ABI3BP: variants seen among roughly 807,000 people sequenced by gnomAD.
ABI3BP encodes target of Nesh-SH3.
In ABI3BP, 216 loss-of-function variants were observed where a neutral mutation model predicts 268.6. The ratio of observed to expected loss-of-function variants is 0.80; its 90% CI spans 0.72 to 0.90. The LOEUF is 0.90. ABI3BP is among the 40% of genes least tolerant of loss of function. The probability of loss-of-function intolerance (pLI) is 0.00; values close to 1 mark genes in which losing one functional copy is unlikely to be tolerated. For missense variants in ABI3BP, 2,090 were observed against 2,182.4 expected, an observed-to-expected ratio of 0.96 and a Z score of 0.84; for synonymous variants, 730 against 730.0, an observed-to-expected ratio of 1.00 and a Z score of 0.00.
intron 9 of ABI3BP, among the ~76,000 whole-genome samples, chr3:100,871,164 G>A (rs1406211488): frequency 6.6e-6 from 1 of 151,624 alleles, no homozygotes; most frequent in Non-Finnish European, 1.5e-5. Flanking sequence ...TAAGATTTTT[G>A]GTACTCTTAC....
chr3:100,914,522 T>C (rs2153576767), intron 2 of ABI3BP: 1 of 437,882 alleles, frequency 2.3e-6, no homozygotes, highest in East Asian at 7.0e-5. Context: ...AGGCCTGTTC[T>C]GAAGGGAGCT....
intron 14 of ABI3BP, among the ~76,000 whole-genome samples, 196 bp downstream of exon 14, chr3:100,862,115 G>T (rs189446409): frequency 6.6e-6 from 1 of 152,172 alleles, no homozygotes; most frequent in East Asian, 1.9e-4. Context: ...AATTAGAACA[G>T]GTGTCTTTAA....
chr3:100,847,521 A>G lies in ABI3BP; in HGVS notation c.1648+81T>C, dbSNP rs866383492. 2.5e-6 allele frequency: 3 copies of G among 1,189,398 alleles called. No homozygotes were observed. The African/African-American group carries it at 4.5e-5, about 18-fold the overall frequency. The allele number at this position is 1,189,398 out of a possible 1,614,324, so 73.7% of individuals were successfully genotyped here. A position where few individuals can be genotyped will look rare whatever the true frequency, so the allele number is the denominator to read the frequency against. On this transcript the variant is annotated intron_variant, in intron 19 of 67. Coordinates refer to ENST00000471714, the MANE Select transcript of ABI3BP (RefSeq NM_001375547.2). The stretch of plus-strand genomic sequence containing the variant: ...CGTTTTGAGTATCTTAACAGGTAAC[A>G]GACATTACATAAAAGCTGGGGTACT...
intron 1 of ABI3BP, among the ~76,000 whole-genome samples, chr3:100,947,946 G>A (rs905261969): frequency 2.0e-5 from 3 of 152,112 alleles, no homozygotes; most frequent in Admixed American, 6.6e-5. Flanking sequence ...TAATGAATGG[G>A]TAGCAATGAG....
chr3:100,864,038 G>T lies in ABI3BP; in HGVS notation c.1102C>A (p.Leu368Ile), dbSNP rs748860801. 39 of 1,536,094 alleles carry T rather than the reference G, an allele frequency of 2.5e-5. No homozygotes were observed. The highest frequency in any genetic ancestry group is 3.2e-5 in the Non-Finnish European group (37 of 1,146,732). ...KRTPETLQTI[L>I]IPQFELPLST... ...AGTGGCAATTCAAACTGAGGTATTA[G>T]AATAGTTTGCAATGTTTCCGGGGTC... The change falls in exon 12 of 68, where the codon CTA (leucine) becomes ATA (isoleucine). Residue 368 changes from leucine (L) to isoleucine (I), a missense_variant. Leu to Ile is a conservative substitution (Grantham distance 5). Transcript: ENST00000471714.
At chr3:100,794,108 A>G (rs1444776022) in intron 54 of ABI3BP, among the ~76,000 whole-genome samples, 1 of 152,030 alleles carries the variant, frequency 6.6e-6, no homozygotes, top group African/African-American at 2.4e-5. Context: ...TTCCAACTTG[A>G]AGACCCAGTG....
intron 62 of ABI3BP, 71 bp from the exon 63 acceptor site, chr3:100,766,020 T>C (rs2096253666): frequency 1.6e-6 from 2 of 1,226,578 alleles, no homozygotes; most frequent in Non-Finnish European, 2.3e-6. Flanking sequence ...CTGAAGCTAA[T>C]AGCATAAAAA....
chr3:100,952,242 T>C (rs929499523), intron 1 of ABI3BP, among the ~76,000 whole-genome samples: 3 of 152,164 alleles, frequency 2.0e-5, no homozygotes, highest in Non-Finnish European at 4.4e-5. Context: ...TTAATAACAA[T>C]ATAGTTAATA....
At position 100,749,806 on chromosome 3, in the gene ABI3BP, A is replaced by T; in HGVS notation, c.*689T>A. ...TATTGTAACATTTATGGTGGGTAAA[A>T]ATGTATCTTTTGAAACAATATATTA... is the stretch of plus-strand genomic sequence containing the variant. On this transcript the variant is annotated 3_prime_UTR_variant, in exon 68 of 68. Coordinates refer to ENST00000471714, the MANE Select transcript of ABI3BP (RefSeq NM_001375547.2). 2.5e-6 allele frequency: 1 copy of T among 397,776 alleles called. No individual in the cohort carries two copies. Among genetic ancestry groups the T allele is most frequent in the Non-Finnish European group, 4.4e-6 (1 of 225,504 alleles). The allele number at this position is 397,776 out of a possible 1,614,324, so 24.6% of individuals were successfully genotyped here.
chr3:100,757,590 T>C (rs563597820), intron 63 of ABI3BP, among the ~76,000 whole-genome samples: 3 of 152,196 alleles, frequency 2.0e-5, no homozygotes, highest in Non-Finnish European at 4.4e-5. Flanking sequence ...TTTTATAACT[T>C]TTCCTCAAGA....
intron 50 of ABI3BP, among the ~76,000 whole-genome samples, chr3:100,805,417 G>GA (rs1341147870): frequency 1.3e-5 from 2 of 152,026 alleles, no homozygotes; most frequent in Non-Finnish European, 2.9e-5. Context: ...TGAATTTGCT[G>GA]ACAACTAAAA....
chr3:100,915,724 A>G (rs2058389727), intron 2 of ABI3BP, among the ~76,000 whole-genome samples: 1 of 152,206 alleles, frequency 6.6e-6, no homozygotes, highest in East Asian at 1.9e-4. Context: ...CCCAGAATGC[A>G]AGGTCCTTTA....
intron 29 of ABI3BP, among the ~76,000 whole-genome samples, chr3:100,833,775 T>C (rs548166253): frequency 2.0e-4 from 31 of 152,274 alleles, no homozygotes; most frequent in African/African-American, 6.7e-4. Context: ...TCAAATCCAA[T>C]CATCGAAGTC....
chr3:100,829,781 T>G, intron 32 of ABI3BP, 117 bp from the exon 33 acceptor site: 2 of 757,268 alleles, frequency 2.6e-6, no homozygotes, highest in Non-Finnish European at 4.3e-6. Context: ...GTTTGAAATA[T>G]TTGCCCCTAT....
intron 17 of ABI3BP, among the ~76,000 whole-genome samples, chr3:100,849,613 T>G (rs1199599291): frequency 6.6e-6 from 1 of 152,168 alleles, no homozygotes; most frequent in Non-Finnish European, 1.5e-5. Context: ...AAATGTAGGT[T>G]GTGTTACCTC....
intron 2 of ABI3BP, among the ~76,000 whole-genome samples, chr3:100,904,932 A>T (rs1429906488): frequency 6.6e-6 from 1 of 152,214 alleles, no homozygotes; most frequent in Non-Finnish European, 1.5e-5. Context: ...AAGGATTATA[A>T]ATCATGCTGC....
At chr3:100,874,482 C>G (rs891658333) in intron 9 of ABI3BP, among the ~76,000 whole-genome samples, 2 of 151,936 alleles carry the variant, frequency 1.3e-5, no homozygotes, top group African/African-American at 2.4e-5. Context: ...TTCTAATGAA[C>G]CTGACCTTCA....
At chr3:100,898,610 C>T (rs1418799927) in intron 4 of ABI3BP, among the ~76,000 whole-genome samples, 152 bp downstream of exon 4, 1 of 152,160 alleles carries the variant, frequency 6.6e-6, no homozygotes, top group Non-Finnish European at 1.5e-5. Context: ...AGGTAGATAA[C>T]CTTCTCAAGG....
chr3:100,915,210 C>T (rs1022812076), intron 2 of ABI3BP, among the ~76,000 whole-genome samples: 1 of 152,134 alleles, frequency 6.6e-6, no homozygotes, highest in African/African-American at 2.4e-5. Flanking sequence ...AAGTGCTTTA[C>T]TCTTATCCCC....
Sources: allele counts gnomAD v4.1 joint callset (sites outside exome capture counted in the v4.1 genomes callset), GRCh38; gene constraint gnomAD v4.1.1; transcripts MANE v1.5; gene names NCBI Gene and HGNC (gene_info 2026-07-23, HGNC 2026-07-21).